The following IFITM10 variants were observed in gnomAD, a reference collection of about 807,000 sequenced individuals.
IFITM10 encodes interferon induced transmembrane protein 10, also known as interferon-induced transmembrane protein 10.
A neutral mutation model predicts 19.0 loss-of-function variants in IFITM10; 17 were observed. The observed-to-expected ratio is 0.90, with a 90% CI of 0.61 to 1.34. IFITM10 has a LOEUF of 1.34. Among genes scored for constraint, IFITM10 ranks in the 40% most tolerant of loss-of-function variants. The pLI is 0.00. For missense variants in IFITM10, 306 were observed against 319.8 expected (o/e 0.96, Z 0.33); for synonymous variants, 148 against 147.2 (o/e 1.01, Z -0.04).
chr11:1,746,452 G>C, intron 2 of IFITM10: 1 of 397,840 alleles, frequency 2.5e-6, no homozygotes, highest in East Asian at 3.6e-5. Flanking sequence ...AATTACACGT[G>C]AGTACACACA....
In IFITM10 at chr11:1,734,671, A is replaced by G. The variant is rs1851064349; in HGVS notation, c.*609T>C. ...CTGTCTGGCACAGCTGTGATGGAGC[A>G]GACCGTCCCCTGCAGTCTGTTGGGA... On this transcript the variant is annotated 3_prime_UTR_variant, in exon 3 of 3. Coordinates refer to ENST00000340134, the MANE Select transcript of IFITM10 (RefSeq NM_001170820.4). 6.6e-6 allele frequency: 1 copy of G among 152,284 alleles called. No individual in the cohort carries two copies. Among genetic ancestry groups the G allele is most frequent in the Non-Finnish European group, 1.5e-5 (1 of 68,188 alleles). The allele number at this position is 152,284 out of a possible 1,614,324, so 9.4% of individuals were successfully genotyped here.
chr11:1,748,528 T>G, intron 1 of IFITM10: 2 of 174,044 alleles, frequency 1.1e-5, no homozygotes, highest in African/African-American at 2.4e-5. Context: ...CCGGCAGAGC[T>G]AGCAGAGCGG....
intron 2 of IFITM10, among the ~76,000 whole-genome samples, chr11:1,736,012 G>T (rs778541064): frequency 1.3e-5 from 2 of 152,172 alleles, no homozygotes; most frequent in African/African-American, 4.8e-5. Context: ...GTCTTGGGGA[G>T]GCAGTGGACT....
intron 2 of IFITM10, among the ~76,000 whole-genome samples, chr11:1,738,374 T>G (rs1047848625): frequency 1.3e-5 from 2 of 152,184 alleles, no homozygotes; most frequent in African/African-American, 4.8e-5. Context: ...CCTATGGCTT[T>G]CCTGCCATTG....
At chr11:1,735,575 T>A in intron 2 of IFITM10, 146 bp from the exon 3 acceptor site, 2 of 775,428 alleles carry the variant, frequency 2.6e-6, no homozygotes, top group Non-Finnish European at 4.0e-6. Context: ...ACGATGGTTC[T>A]AGAGGAACAT....
intron 2 of IFITM10, among the ~76,000 whole-genome samples, chr11:1,740,752 G>A (rs1276863387): frequency 6.6e-6 from 1 of 152,194 alleles, no homozygotes; most frequent in Non-Finnish European, 1.5e-5. Flanking sequence ...GATATAGTTT[G>A]AACACATGTC....
At chr11:1,744,868 C>T (rs1344268592) in intron 2 of IFITM10, 1 of 152,304 alleles carries the variant, frequency 6.6e-6, no homozygotes, top group Non-Finnish European at 1.5e-5. Flanking sequence ...ACCTTCTGAA[C>T]CTAGGGCCAC....
In IFITM10 at chr11:1,745,092, G is replaced by T. The variant is rs982090222; in HGVS notation, c.537+2575C>A. The T allele has an allele frequency of 3.3e-5, 5 of 152,558 alleles. No individual in the cohort carries two copies. The East Asian group carries it at 9.6e-4, about 29-fold the overall frequency. The allele number at this position is 152,558 out of a possible 1,614,324, so 9.5% of individuals were successfully genotyped here. A position where few individuals can be genotyped will look rare whatever the true frequency, so the allele number is the denominator to read the frequency against. The stretch of plus-strand genomic sequence containing the variant: ...CGCAGGAAGGACACAGGAGGAGCAG[G>T]CTTGGGAGGAGGTGTAATGAGCCGT... On this transcript the variant is annotated intron_variant, in intron 2 of 2. Coordinates refer to ENST00000340134, the MANE Select transcript of IFITM10 (RefSeq NM_001170820.4).
At chr11:1,749,199 C>CGCGGCCGGTCTGGCGCTGCGG in intron 1 of IFITM10, 1 of 658,792 alleles carries the variant, frequency 1.5e-6, no homozygotes, top group Non-Finnish European at 1.9e-6. Context: ...GCTCCCTCCG[C>CGCGGCCGGTCTGGCGCTGCGG]AGCGCCAGAC....
chr11:1,743,020 GGATT>G (rs370470861), intron 2 of IFITM10, among the ~76,000 whole-genome samples: 56 of 150,460 alleles, frequency 3.7e-4, no homozygotes, highest in Non-Finnish European at 5.2e-4. Context: ...ATGGATGGAT[GGATT>G]GAGGGTGGAT....
At chr11:1,747,639 C>T in intron 2 of IFITM10, 28 bp downstream of exon 2, 1 of 1,547,888 alleles carries the variant, frequency 6.5e-7, no homozygotes, top group Non-Finnish European at 8.7e-7. Context: ...CTAGCCCGCC[C>T]TTGCCCCCTG....
intron 2 of IFITM10, among the ~76,000 whole-genome samples, chr11:1,738,832 G>A (rs983698821): frequency 2.1e-4 from 32 of 151,916 alleles, no homozygotes; most frequent in Non-Finnish European, 2.1e-4. Flanking sequence ...AGGCCGAGGC[G>A]GGTGGATCAT....
chr11:1,741,793 T>C (rs1105312), intron 2 of IFITM10, among the ~76,000 whole-genome samples: 49,147 of 152,002 alleles, frequency 0.32, 9,700 homozygotes, highest in African/African-American at 0.55. Flanking sequence ...CCCAAATTCC[T>C]GTATGGAAAT....
Position 1,735,371 on chromosome 11 carries a change from G to GC in IFITM10, c.595dup (p.Ala199GlyfsTer53). 6.4e-7 allele frequency: 1 copy of GC among 1,551,714 alleles called. No homozygotes were observed. The highest frequency in any genetic ancestry group is 8.7e-7 in the Non-Finnish European group (1 of 1,146,976). On this transcript the variant is annotated frameshift_variant, in exon 3 of 3. Coordinates refer to ENST00000340134, the MANE Select transcript of IFITM10 (RefSeq NM_001170820.4). LOFTEE classifies it high-confidence loss of function. ...AGAACTGGTGATGTTGAACAGCCGG[G>GC]CCGTCTTTGCATCCTCCACGGCTCC...
intron 2 of IFITM10, among the ~76,000 whole-genome samples, chr11:1,736,464 G>C (rs1166034185): frequency 6.6e-6 from 1 of 152,148 alleles, no homozygotes; most frequent in Admixed American, 6.6e-5. Flanking sequence ...AGAACAAAGG[G>C]AGAGGAGAGA....
chr11:1,750,392 A>G lies in IFITM10; in HGVS notation c.51T>C (p.Thr17=). 6.5e-7 allele frequency: 1 copy of G among 1,549,970 alleles called. No individual in the cohort carries two copies. Among genetic ancestry groups the G allele is most frequent in the Non-Finnish European group, 8.7e-7 (1 of 1,146,842 alleles). The change falls in exon 1 of 3, where the codon ACT becomes ACC. Residue 17 remains threonine, a synonymous_variant. Coordinates refer to ENST00000340134, the MANE Select transcript of IFITM10 (RefSeq NM_001170820.4). ...CCCACTGAGCCTCGACCCTCTCCAA[A>G]GTCCCCCGGAAGCTGAGGATGCATG... ...GPPCILSFRG[T]LERVEAQWEL...
intron 1 of IFITM10, chr11:1,748,988 G>T (rs1325024127): frequency 3.0e-6 from 3 of 1,000,532 alleles, no homozygotes; most frequent in African/African-American, 1.8e-5. Context: ...CGGGTCTGCC[G>T]CAGCCCCCCG....
In IFITM10 at chr11:1,747,872, C is replaced by T; in HGVS notation, c.332G>A (p.Ser111Asn). The change falls in exon 2 of 3, where the codon AGC (serine) becomes AAC (asparagine). Residue 111 changes from serine (S) to asparagine (N), a missense_variant. Coordinates refer to ENST00000340134, the MANE Select transcript of IFITM10 (RefSeq NM_001170820.4). ...GGCAGCCCGCACGCTGTCGGTCTTG[C>T]TGCTCTTGGACTCCATGGGGAACAG... ...PTLFPMESKSSKTDSVRAAGA... is the reference protein window; with the variant it reads ...PTLFPMESKSNKTDSVRAAGA... 1 of 1,534,442 alleles carries T rather than the reference C, an allele frequency of 6.5e-7. No individual in the cohort carries two copies. The highest frequency in any genetic ancestry group is 8.8e-7 in the Non-Finnish European group (1 of 1,137,692).
In IFITM10 at chr11:1,750,313, C is replaced by G. The variant is rs747100609; in HGVS notation, c.84+46G>C. 3.4e-4 allele frequency: 522 copies of G among 1,550,540 alleles called. 3 individuals are homozygous for G. Among genetic ancestry groups the G allele is most frequent in the Non-Finnish European group, 4.3e-5 (49 of 1,147,006 alleles). On this transcript the variant is annotated intron_variant, in intron 1 of 2. Transcript: ENST00000340134. The stretch of plus-strand genomic sequence containing the variant: ...GCCTTCCCTCCCTCCCTCCAAGTCC[C>G]CCACTTCACCACGCAGGTTCCCTGA...
Sources: allele counts gnomAD v4.1 joint callset (sites outside exome capture counted in the v4.1 genomes callset), GRCh38; gene constraint gnomAD v4.1.1; transcripts MANE v1.5; gene names NCBI Gene and HGNC (gene_info 2026-07-23, HGNC 2026-07-21).